Variants in CSMD1 observed in about 807,000 individuals in gnomAD.
CSMD1 encodes CUB and sushi domain-containing protein 1.
Under a neutral mutation model 417.5 loss-of-function variants are expected in CSMD1, and 213 were observed. The observed-to-expected ratio is 0.51, with a 90% CI of 0.46 to 0.57. The LOEUF (loss-of-function observed/expected upper bound fraction) is 0.57, where lower values mean the gene tolerates loss of function less well. CSMD1 is among the 20% of genes least tolerant of loss of function. CSMD1 has a pLI of 0.00. For missense variants in CSMD1, 6,923 were observed against 4,529.7 expected (o/e 1.53, Z -15.17); for synonymous variants, 2,862 against 1,736.8 (o/e 1.65, Z -16.11).
intron 3 of CSMD1, among the ~76,000 whole-genome samples, chr8:4,098,671 T>G (rs1365449253): frequency 6.6e-6 from 1 of 152,332 alleles, no homozygotes; most frequent in Non-Finnish European, 1.5e-5. Flanking sequence ...TTCACTGTCT[T>G]ACGGCAAATA....
intron 6 of CSMD1, among the ~76,000 whole-genome samples, chr8:3,722,616 C>T (rs767087751): frequency 3.3e-5 from 5 of 152,134 alleles, no homozygotes; most frequent in Non-Finnish European, 7.4e-5. Context: ...TGGGAAAAGT[C>T]CCCATTAGTA....
rs755766717 is a variant in CSMD1 at position 3,406,121 on chromosome 8, A to G, written c.2172T>C (p.Asp724=). Residue 724 remains aspartate (D), a synonymous_variant, in exon 15 of 70, where the codon GAT becomes GAC. Transcript: ENST00000635120. ...LLGSSVSFHC[D]DGFVKTQGSE... is the part of the protein sequence containing the mutation. ...ATCCCTGGGTCTTGACAAAGCCATC[A>G]TCACAGTGGAAAGAAACCGAGCTCC... is the stretch of plus-strand genomic sequence containing the variant. The G allele has an allele frequency of 5.6e-6, 9 of 1,613,868 alleles. No individual in the cohort carries two copies. The highest frequency in any genetic ancestry group is 7.6e-6 in the Non-Finnish European group (9 of 1,179,900).
intron 3 of CSMD1, among the ~76,000 whole-genome samples, chr8:4,111,423 A>G (rs113634343): frequency 1.8e-3 from 275 of 152,302 alleles, no homozygotes; most frequent in African/African-American, 6.3e-3. Flanking sequence ...AGAATTATTT[A>G]TATTCCTTAG....
chr8:3,075,309 C>T (rs1310401841), intron 49 of CSMD1, among the ~76,000 whole-genome samples: 1 of 149,134 alleles, frequency 6.7e-6, no homozygotes, highest in African/African-American at 2.5e-5. Flanking sequence ...TGGAGTTTCG[C>T]CCTGTCATCC....
intron 1 of CSMD1, among the ~76,000 whole-genome samples, chr8:4,715,352 C>T (rs1322509265): frequency 1.3e-5 from 2 of 152,138 alleles, no homozygotes; most frequent in Non-Finnish European, 1.5e-5. Flanking sequence ...CAAAGCAATG[C>T]TTCATCAAAG....
At chr8:4,650,272 G>T (rs1043703222) in intron 1 of CSMD1, among the ~76,000 whole-genome samples, 1 of 150,258 alleles carries the variant, frequency 6.7e-6, no homozygotes. Flanking sequence ...GTGAACCCGG[G>T]AGGCGGAGCT....
At chr8:3,750,825 T>C (rs1797302330) in intron 6 of CSMD1, among the ~76,000 whole-genome samples, 1 of 152,066 alleles carries the variant, frequency 6.6e-6, no homozygotes, top group Admixed American at 6.5e-5. Context: ...TGTCCTTAGG[T>C]TTGTTCTAGA....
At chr8:4,753,550 A>C (rs145877654) in intron 1 of CSMD1, among the ~76,000 whole-genome samples, 2 of 152,158 alleles carry the variant, frequency 1.3e-5, no homozygotes, top group African/African-American at 4.8e-5. Context: ...TCTTGGGTTC[A>C]TGATTGCACC....
chr8:3,253,776 G>A (rs1047696564), intron 26 of CSMD1, among the ~76,000 whole-genome samples: 7 of 152,070 alleles, frequency 4.6e-5, no homozygotes, highest in African/African-American at 1.2e-4. Context: ...GTCTCTGCAG[G>A]TGAGATGGGT....
chr8:4,444,844 A>G (rs1245875044), intron 2 of CSMD1, among the ~76,000 whole-genome samples: 4 of 152,246 alleles, frequency 2.6e-5, no homozygotes, highest in African/African-American at 9.6e-5. Flanking sequence ...GGTGCAAATG[A>G]CAACCCAGAG....
chr8:4,218,983 G>A (rs935157404), intron 3 of CSMD1, among the ~76,000 whole-genome samples: 3 of 152,088 alleles, frequency 2.0e-5, no homozygotes, highest in Non-Finnish European at 4.4e-5. Flanking sequence ...AATACTCCCG[G>A]TGTACAGCAA....
At chr8:4,950,696 T>C (rs146691057) in intron 1 of CSMD1, among the ~76,000 whole-genome samples, 101 of 152,306 alleles carry the variant, frequency 6.6e-4, no homozygotes, top group African/African-American at 2.1e-3. Flanking sequence ...TTTGATTACA[T>C]TGGCAATAAA....
chr8:4,281,684 A>G (rs1796793303), intron 3 of CSMD1, among the ~76,000 whole-genome samples: 1 of 152,204 alleles, frequency 6.6e-6, no homozygotes, highest in African/African-American at 2.4e-5. Context: ...TCTGTATGTG[A>G]TAACATATAC....
At chr8:3,997,882 G>T (rs750618989) in intron 5 of CSMD1, 21 bp downstream of exon 5, 3 of 1,598,390 alleles carry the variant, frequency 1.9e-6, no homozygotes, top group Admixed American at 3.4e-5. Context: ...ATCCTTTGTG[G>T]CATCTCTTCC....
At chr8:3,667,092 G>A (rs1585043178) in intron 7 of CSMD1, among the ~76,000 whole-genome samples, 2 of 152,134 alleles carry the variant, frequency 1.3e-5, no homozygotes, top group Admixed American at 1.3e-4. Context: ...CTTGGTACAA[G>A]CAAGGCAATC....
chr8:3,084,015 C>A (rs944890592), intron 49 of CSMD1, among the ~76,000 whole-genome samples: 5 of 152,074 alleles, frequency 3.3e-5, no homozygotes, highest in African/African-American at 9.7e-5. Flanking sequence ...GGAAACAAAT[C>A]TTTTTGTTGT....
chr8:3,385,274 T>C (rs542747860), intron 18 of CSMD1, among the ~76,000 whole-genome samples: 1 of 149,834 alleles, frequency 6.7e-6, no homozygotes, highest in African/African-American at 2.4e-5. Flanking sequence ...TGTATGAATA[T>C]ATATGTATGT....
At position 3,409,507 on chromosome 8, in the gene CSMD1, G is replaced by A; in HGVS notation, c.1660C>T (p.Pro554Ser). 2 of 1,611,100 alleles carry A rather than the reference G, an allele frequency of 1.2e-6. No homozygotes were observed. The highest frequency in any genetic ancestry group is 2.2e-5 in the East Asian group (1 of 44,754). ...TCCCCCACCAGCTCAAAGGCCGCCG[G>A]GCATTCAAAGGTGAGTGTATCTCCA... ...LHGDTLTFEC[P>S]AAFELVGERV... Residue 554 changes from proline to serine, a missense_variant, in exon 13 of 70, where the codon CCG (proline) becomes TCG (serine). Coordinates refer to ENST00000635120, the MANE Select transcript of CSMD1 (RefSeq NM_033225.6).
At chr8:4,349,725 T>G (rs1203713902) in intron 3 of CSMD1, among the ~76,000 whole-genome samples, 1 of 152,130 alleles carries the variant, frequency 6.6e-6, no homozygotes, top group Non-Finnish European at 1.5e-5. Flanking sequence ...AGTTACAAGA[T>G]CATTTATTTG....
Sources: gnomAD v4.1 joint callset for allele counts (sites outside exome capture counted in the v4.1 genomes callset) on GRCh38, gnomAD v4.1.1 for gene constraint, MANE v1.5 for transcripts, NCBI Gene and HGNC (gene_info 2026-07-23, HGNC 2026-07-21) for gene names.